ITSN1: variants seen among roughly 807,000 people sequenced by gnomAD.
ITSN1 encodes the protein intersectin 1, also known as intersectin-1.
A neutral mutation model predicts 239.8 loss-of-function variants in ITSN1; 58 were observed. The ratio of observed to expected loss-of-function variants is 0.24; its 90% CI spans 0.20 to 0.30. The LOEUF (loss-of-function observed/expected upper bound fraction) is 0.30. Among genes scored for constraint, ITSN1 ranks in the 10% least tolerant of loss-of-function variants. The probability of loss-of-function intolerance (pLI) is 1.00; values close to 1 mark genes in which losing one functional copy is unlikely to be tolerated. For missense variants in ITSN1, 1,558 were observed against 2,103.3 expected (o/e 0.74, Z 5.07); for synonymous variants, 780 against 770.8 (o/e 1.01, Z -0.20).
chr21:33,826,038 A>G (rs2073953111), intron 25 of ITSN1, among the ~76,000 whole-genome samples: 1 of 152,204 alleles, frequency 6.6e-6, no homozygotes, highest in Non-Finnish European at 1.5e-5. Flanking sequence ...CTTTGTAACA[A>G]CAGATTCCGT....
chr21:33,870,499 G>T (rs576753125), intron 33 of ITSN1, among the ~76,000 whole-genome samples: 4 of 152,334 alleles, frequency 2.6e-5, no homozygotes, highest in African/African-American at 9.6e-5. Context: ...TCAGCTATGA[G>T]ATACATATGA....
At chr21:33,734,011 T>G (rs1169332385) in intron 4 of ITSN1, among the ~76,000 whole-genome samples, 4 of 152,216 alleles carry the variant, frequency 2.6e-5, no homozygotes, top group African/African-American at 4.8e-5. Flanking sequence ...CTTAATTTTC[T>G]TTTGTGAACA....
chr21:33,659,940 C>G (rs2089426540), intron 1 of ITSN1, among the ~76,000 whole-genome samples: 1 of 151,918 alleles, frequency 6.6e-6, no homozygotes. Flanking sequence ...AACTCCTAGG[C>G]TCAAGCAGCC....
At chr21:33,691,346 T>C (rs1164425274) in intron 1 of ITSN1, among the ~76,000 whole-genome samples, 1 of 152,264 alleles carries the variant, frequency 6.6e-6, no homozygotes, top group East Asian at 1.9e-4. Context: ...AGTTTTTTAC[T>C]CCACCTGGGA....
intron 1 of ITSN1, among the ~76,000 whole-genome samples, chr21:33,690,787 A>G (rs1187893333): frequency 3.9e-4 from 5 of 12,872 alleles, no homozygotes; most frequent in African/African-American, 6.2e-4. Flanking sequence ...ATATATATAT[A>G]TACATATATA....
intron 14 of ITSN1, among the ~76,000 whole-genome samples, chr21:33,780,711 A>G (rs942596225): frequency 6.6e-6 from 1 of 152,370 alleles, no homozygotes; most frequent in African/African-American, 2.4e-5. Context: ...GGTAAAAATA[A>G]AAGTCAAATA....
chr21:33,830,186 ATTG>A (rs2148360134), intron 27 of ITSN1, among the ~76,000 whole-genome samples: 1 of 152,212 alleles, frequency 6.6e-6, no homozygotes, highest in East Asian at 1.9e-4. Flanking sequence ...GTGTGTGTGT[ATTG>A]TTAATCATAT....
At chr21:33,886,545 T>C in intron 39 of ITSN1, 85 bp downstream of exon 39, 1 of 1,225,818 alleles carries the variant, frequency 8.2e-7, no homozygotes, top group South Asian at 1.6e-5. Context: ...GGGGACTTGG[T>C]GCCAGGATTC....
At chr21:33,662,480 TG>T (rs1465529791) in intron 1 of ITSN1, among the ~76,000 whole-genome samples, 1 of 152,182 alleles carries the variant, frequency 6.6e-6, no homozygotes, top group Non-Finnish European at 1.5e-5. Context: ...AAATAGGTGA[TG>T]GGGTATTGCC....
In ITSN1 at chr21:33,892,031, C is replaced by T. The variant is rs764149502; in HGVS notation, c.*3731C>T. 6.6e-6 allele frequency: 1 copy of T among 152,192 alleles called. No homozygotes were observed. Among genetic ancestry groups the T allele is most frequent in the African/African-American group, 2.4e-5 (1 of 41,448 alleles). 9.4% of individuals were successfully genotyped at this position (152,192 alleles called of 1,614,324 possible). On this transcript the variant is annotated 3_prime_UTR_variant, in exon 40 of 40. Coordinates refer to ENST00000381318, the MANE Select transcript of ITSN1 (RefSeq NM_003024.3). ...AGACACTAGCACTTTTACATGAATACCTGGTGTGCTTTGGATGTAACAGGG... is the reference window on the plus strand; with the variant it reads ...AGACACTAGCACTTTTACATGAATATCTGGTGTGCTTTGGATGTAACAGGG...
chr21:33,794,354 T>C lies in ITSN1; in HGVS notation c.1838T>C (p.Ile613Thr), dbSNP rs774528531. Reference protein sequence around the residue: ...FNNQLKELREIHNKQQLQKQK... With the variant: ...FNNQLKELRETHNKQQLQKQK... ...GGTTAATTATAGGAACTAAGAGAAA[T>C]ACACAATAAGCAACAACTCCAGAAG... The change falls in exon 17 of 40, where the codon ATA becomes ACA. Residue 613 changes from isoleucine to threonine, a missense_variant. Ile to Thr is a moderately conservative substitution (Grantham distance 89, BLOSUM62 -1). This residue lies in a region of ITSN1 where 982 missense variants were observed against 1,209.9 expected (regional missense o/e 0.81). Coordinates refer to ENST00000381318, the MANE Select transcript of ITSN1 (RefSeq NM_003024.3). The C allele has an allele frequency of 6.2e-7, 1 of 1,612,346 alleles. No individual in the cohort carries two copies. The highest frequency in any genetic ancestry group is 1.7e-5 in the Admixed American group (1 of 59,732).
In ITSN1 at chr21:33,819,335, A is replaced by G; in HGVS notation, c.3016+12A>G. 2 of 1,604,908 alleles carry G rather than the reference A, an allele frequency of 1.2e-6. No individual in the cohort carries two copies. The highest frequency in any genetic ancestry group is 1.3e-5 in the African/African-American group (1 of 74,856). On this transcript the variant is annotated intron_variant, in intron 24 of 39. Transcript: ENST00000381318. Reference sequence around the variant, plus strand: ...CGTTTCGGGAGAAGGTGAGGGCCTGAGTTGTATTATGTTCTTCAGAAGGGT... The same window carrying G: ...CGTTTCGGGAGAAGGTGAGGGCCTGGGTTGTATTATGTTCTTCAGAAGGGT...
rs772480412 is a variant in ITSN1 at position 33,810,969 on chromosome 21, C to T, written c.2320-6C>T. 4 of 1,613,956 alleles carry T rather than the reference C, an allele frequency of 2.5e-6. No individual in the cohort carries two copies. Among genetic ancestry groups the T allele is most frequent in the Non-Finnish European group, 1.7e-6 (2 of 1,180,016 alleles). On this transcript the variant is annotated splice_region_variant and splice_polypyrimidine_tract_variant and intron_variant, in intron 20 of 39. Transcript: ENST00000381318. ...GTTCTACTTAAAGCTGTGACTTTTT[C>T]CACAGGTGGATGAAAGCCAAACTGG...
chr21:33,716,378 C>T (rs983489474), intron 1 of ITSN1: 1 of 152,268 alleles, frequency 6.6e-6, no homozygotes, highest in Non-Finnish European at 1.5e-5. Context: ...CTGTACAGGT[C>T]TGCACACTGA....
chr21:33,867,300 G>A lies in ITSN1; in HGVS notation c.4142G>A (p.Arg1381Gln). 1.2e-6 allele frequency: 2 copies of A among 1,609,248 alleles called. No individual in the cohort carries two copies. Among genetic ancestry groups the A allele is most frequent in the Non-Finnish European group, 1.7e-6 (2 of 1,175,712 alleles). The change falls in exon 33 of 40, where the codon CGG becomes CAG. Residue 1381 changes from arginine (R) to glutamine (Q), a missense_variant. Coordinates refer to ENST00000381318, the MANE Select transcript of ITSN1 (RefSeq NM_003024.3). ...LSSFILKPMQ[R>Q]VTRYPLIIKN... ...AGTTTTATACTGAAGCCTATGCAAC[G>A]GGTAACAAGATACCCACTGATCATT...
At chr21:33,709,036 C>A (rs1477713038) in intron 1 of ITSN1, among the ~76,000 whole-genome samples, 1 of 152,126 alleles carries the variant, frequency 6.6e-6, no homozygotes, top group African/African-American at 2.4e-5. Flanking sequence ...TCCCAAAAGG[C>A]CTTGACTACT....
chr21:33,861,947 A>AAC (rs1245135818), intron 31 of ITSN1, among the ~76,000 whole-genome samples: 7 of 146,822 alleles, frequency 4.8e-5, no homozygotes, highest in Non-Finnish European at 1.0e-4. Context: ...CTCCGTCTCA[A>AAC]AAAATAAATA....
In ITSN1 at chr21:33,816,761, C is replaced by T. The variant is rs568465005; in HGVS notation, c.2728-1506C>T. ...AAGGGCTGTGGGATGAGGAGCTACG[C>T]GGGCAGCAGGTCCACTGCAAGAGGG... On this transcript the variant is annotated intron_variant, in intron 22 of 39. Coordinates refer to ENST00000381318, the MANE Select transcript of ITSN1 (RefSeq NM_003024.3). 9.9e-5 allele frequency among the ~76,000 whole-genome samples: 15 copies of T among 152,168 alleles called. No individual in the cohort carries two copies. In the South Asian group the frequency reaches 2.5e-3, roughly 25 times the overall value.
intron 1 of ITSN1, among the ~76,000 whole-genome samples, chr21:33,658,098 A>G (rs1010571652): frequency 2.6e-5 from 4 of 152,346 alleles, no homozygotes; most frequent in Admixed American, 1.3e-4. Flanking sequence ...TTTGTATGCT[A>G]TATGTATGAT....
Sources: gnomAD v4.1 joint callset for allele counts (sites outside exome capture counted in the v4.1 genomes callset) on GRCh38, gnomAD v4.1.1 for gene constraint, gnomAD v4.1.1 regional missense constraint, MANE v1.5 for transcripts, NCBI Gene and HGNC (gene_info 2026-07-23, HGNC 2026-07-21) for gene names.